OR4D10: variants seen among roughly 807,000 people sequenced by gnomAD.
OR4D10 encodes the protein olfactory receptor family 4 subfamily D member 10.
For synonymous variants in OR4D10, 188 were observed against 153.2 expected, an observed-to-expected ratio of 1.23 and a Z score of -1.68; for missense variants, 395 against 378.0, an observed-to-expected ratio of 1.04 and a Z score of -0.37.
In OR4D10 at chr11:59,477,525, CTTG is replaced by C. The variant is rs748031911; in HGVS notation, c.97_99del (p.Leu33del). ...GCTTAGTCTTATTTCTTTTCCTACT[CTTG>C]GTGTATGTGACAACTTTGCTGGGAA... is the stretch of plus-strand genomic sequence containing the variant. On this transcript the variant is annotated inframe_deletion, in exon 3 of 3. Coordinates refer to ENST00000530162, the MANE Select transcript of OR4D10 (RefSeq NM_001004705.2). The C allele has an allele frequency of 3.6e-5, 58 of 1,614,130 alleles. No homozygotes were observed. The Middle Eastern group carries it at 1.2e-3, about 32-fold the overall frequency.
At position 59,477,812 on chromosome 11, in the gene OR4D10, A is replaced by T. The variant is rs763906723; in HGVS notation, c.383A>T (p.Lys128Met). The change falls in exon 3 of 3, where the codon AAG becomes ATG. Residue 128 changes from lysine (K) to methionine (M), a missense_variant. Transcript: ENST00000530162. Reference protein sequence around the residue: ...MALDRYVAISKPLHYATIMSR... With the variant: ...MALDRYVAISMPLHYATIMSR... Reference sequence around the variant, plus strand: ...TTGGATCGATATGTGGCCATCTCCAAGCCCCTGCACTATGCGACTATCATG... The same window carrying T: ...TTGGATCGATATGTGGCCATCTCCATGCCCCTGCACTATGCGACTATCATG... The T allele has an allele frequency of 6.2e-7, 1 of 1,614,078 alleles. No homozygotes were observed. The highest frequency in any genetic ancestry group is 1.7e-5 in the Admixed American group (1 of 60,016).
Position 59,477,280 on chromosome 11 carries a change from A to G in OR4D10, c.-150A>G. ...TCACCAGACTAACTGAAATCTGAAA[A>G]ACGTGAACAATGCAACAAACTGCAA... On this transcript the variant is annotated 5_prime_UTR_variant, in exon 3 of 3. Coordinates refer to ENST00000530162, the MANE Select transcript of OR4D10 (RefSeq NM_001004705.2). The G allele has an allele frequency of 1.9e-6, 1 of 522,932 alleles. No individual in the cohort carries two copies. Among genetic ancestry groups the G allele is most frequent in the East Asian group, 3.0e-5 (1 of 33,636 alleles). The allele number at this position is 522,932 out of a possible 1,614,324, so 32.4% of individuals were successfully genotyped here.
intron 2 of OR4D10, among the ~76,000 whole-genome samples, chr11:59,476,845 G>GA (rs772046514): frequency 2.1e-4 from 32 of 149,428 alleles, no homozygotes; most frequent in Middle Eastern, 3.2e-3. Context: ...TCCTTTGGGG[G>GA]AAAAAAAAAT....
chr11:59,474,721 T>C (rs1473485743), intron 2 of OR4D10, among the ~76,000 whole-genome samples: 24 of 151,904 alleles, frequency 1.6e-4, no homozygotes. Context: ...AACACCCCAC[T>C]CCATGTAATA....
intron 2 of OR4D10, among the ~76,000 whole-genome samples, chr11:59,476,574 G>T (rs1858910938): frequency 6.6e-6 from 1 of 151,934 alleles, no homozygotes. Flanking sequence ...TAGTCATAGG[G>T]TCTCCCTATG....
At position 59,478,425 on chromosome 11, in the gene OR4D10, G is replaced by T; in HGVS notation, c.*60G>T. Reference sequence around the variant, plus strand: ...ATCTTATATTTATTATTTTTCCCATGAAGTCATATTCATATATTCAAATAT... The same window carrying T: ...ATCTTATATTTATTATTTTTCCCATTAAGTCATATTCATATATTCAAATAT... On this transcript the variant is annotated 3_prime_UTR_variant, in exon 3 of 3. Transcript: ENST00000530162. 1 of 1,205,858 alleles carries T rather than the reference G, an allele frequency of 8.3e-7. No individual in the cohort carries two copies. The highest frequency in any genetic ancestry group is 1.1e-6 in the Non-Finnish European group (1 of 886,448). The allele number at this position is 1,205,858 out of a possible 1,614,324, so 74.7% of individuals were successfully genotyped here.
chr11:59,477,388 A>T lies in OR4D10; in HGVS notation c.-42A>T. 7.1e-7 allele frequency: 1 copy of T among 1,415,786 alleles called. No homozygotes were observed. Among genetic ancestry groups the T allele is most frequent in the Non-Finnish European group, 9.6e-7 (1 of 1,044,656 alleles). The allele number at this position is 1,415,786 out of a possible 1,614,324, so 87.7% of individuals were successfully genotyped here. The stretch of plus-strand genomic sequence containing the variant: ...AAAATAAATATCCCAGTGCTTTCAC[A>T]TGACATGGTTTAAAACCAAAGAGAA... On this transcript the variant is annotated 5_prime_UTR_variant, in exon 3 of 3. It removes an upstream start codon present in the reference 5' UTR. Transcript: ENST00000530162.
At chr11:59,475,102 A>T (rs1029868512) in intron 2 of OR4D10, among the ~76,000 whole-genome samples, 1 of 151,014 alleles carries the variant, frequency 6.6e-6, no homozygotes, top group Non-Finnish European at 1.5e-5. Flanking sequence ...AAATCAAAGG[A>T]CATTGTCCCA....
At position 59,478,603 on chromosome 11, in the gene OR4D10, T is replaced by C. The variant is rs903381060; in HGVS notation, c.*238T>C. On this transcript the variant is annotated 3_prime_UTR_variant, in exon 3 of 3. Coordinates refer to ENST00000530162, the MANE Select transcript of OR4D10 (RefSeq NM_001004705.2). Reference sequence around the variant, plus strand: ...TACCACCAAGATTTTGTTTCATGATTTTTCTTCCATGGACTCCAAGTTCTG... The same window carrying C: ...TACCACCAAGATTTTGTTTCATGATCTTTCTTCCATGGACTCCAAGTTCTG... 2.5e-5 allele frequency: 9 copies of C among 366,948 alleles called. No individual in the cohort carries two copies. The highest frequency in any genetic ancestry group is 1.6e-4 in the Admixed American group (4 of 24,334). 22.7% of individuals were successfully genotyped at this position (366,948 alleles called of 1,614,324 possible). A position where few individuals can be genotyped will look rare whatever the true frequency, so the allele number is the denominator to read the frequency against.
chr11:59,474,044 G>GA (rs1220174525), intron 2 of OR4D10, among the ~76,000 whole-genome samples: 5 of 152,126 alleles, frequency 3.3e-5, no homozygotes, highest in East Asian at 1.9e-4. Context: ...TGAACTTGGG[G>GA]AAAAAATGAA....
In OR4D10 at chr11:59,475,573, G is replaced by A. The variant is rs370391036; in HGVS notation, c.-168-1689G>A. Among the ~76,000 whole-genome samples, 10 of 152,276 alleles carry A rather than the reference G, an allele frequency of 6.6e-5. No homozygotes were observed. In the East Asian group the frequency reaches 1.7e-3, roughly 26 times the overall value. On this transcript the variant is annotated intron_variant, in intron 2 of 2. Transcript: ENST00000530162. ...ACATGTTTATATTTTCCATCAGAGC[G>A]AAAATTGCTCCAGAGTAAGAACTTT...
At chr11:59,476,526 G>T (rs1858910410) in intron 2 of OR4D10, among the ~76,000 whole-genome samples, 1 of 151,336 alleles carries the variant, frequency 6.6e-6, no homozygotes, top group Non-Finnish European at 1.5e-5. Context: ...GACCACAGGT[G>T]TATGCCACCA....
At position 59,478,272 on chromosome 11, in the gene OR4D10, G is replaced by A. The variant is rs1858933240; in HGVS notation, c.843G>A (p.Leu281=). The A allele has an allele frequency of 3.1e-6, 5 of 1,610,456 alleles. No homozygotes were observed. In the South Asian group the frequency reaches 5.5e-5, roughly 18 times the overall value. The change falls in exon 3 of 3, where the codon CTG becomes CTA. Residue 281 remains leucine, a synonymous_variant. Transcript: ENST00000530162. ...TCACCTTCACTGTCATCTCCCCTCT[G>A]CTCAACCCCTTGATCTACACTCTGA... ...ISVTFTVISP[L]LNPLIYTLRN...
rs1480583272 is a variant in OR4D10 at position 59,478,117 on chromosome 11, G to A, written c.688G>A (p.Gly230Arg). ...VILSLPKSQA[G>R]EGRRKAISTC... ...ATTATCATTACCCAAGTCTCAGGCA[G>A]GAGAGGGCAGGAGGAAAGCCATCTC... The change falls in exon 3 of 3, where the codon GGA becomes AGA. Residue 230 changes from glycine to arginine, a missense_variant. Transcript: ENST00000530162. The A allele has an allele frequency of 6.2e-7, 1 of 1,614,084 alleles. No homozygotes were observed. The highest frequency in any genetic ancestry group is 2.2e-5 in the East Asian group (1 of 44,884).
intron 2 of OR4D10, among the ~76,000 whole-genome samples, chr11:59,474,177 G>A (rs546505621): frequency 7.2e-4 from 109 of 152,272 alleles, no homozygotes; most frequent in African/African-American, 2.5e-3. Flanking sequence ...CTTACCTAAT[G>A]GGTGGTGGTG....
rs773272297 is a variant in OR4D10 at position 59,477,776 on chromosome 11, C to A, written c.347C>A (p.Ser116Ter). ...LIGGVDVFSLSVMALDRYVAI... is the reference protein window; with the variant it reads ...LIGGVDVFSL ...GGAGGGGTGGATGTATTTTCTCTTT[C>A]GGTGATGGCATTGGATCGATATGTG... The change falls in exon 3 of 3, where the codon TCG becomes TAG. Residue 116 changes from serine to a stop codon, truncating the protein, a stop_gained. Transcript: ENST00000530162. LOFTEE classifies it low-confidence loss of function (END_TRUNC). The A allele has an allele frequency of 6.2e-7, 1 of 1,613,974 alleles. No homozygotes were observed. Among genetic ancestry groups the A allele is most frequent in the African/African-American group, 1.3e-5 (1 of 74,894 alleles).
At chr11:59,477,139 A>G in intron 2 of OR4D10, 123 bp from the exon 3 acceptor site, 1 of 275,084 alleles carries the variant, frequency 3.6e-6, no homozygotes, top group Non-Finnish European at 6.7e-6. Context: ...CAAATTAAAT[A>G]TGGGTAATTG....
intron 2 of OR4D10, 116 bp from the exon 3 acceptor site, chr11:59,477,146 A>G (rs1254917297): frequency 2.4e-5 from 7 of 294,850 alleles, no homozygotes; most frequent in Admixed American, 2.3e-4. Context: ...AATATGGGTA[A>G]TTGATTTTTT....
At chr11:59,474,020 C>T (rs1858872274) in intron 2 of OR4D10, among the ~76,000 whole-genome samples, 1 of 152,204 alleles carries the variant, frequency 6.6e-6, no homozygotes, top group Non-Finnish European at 1.5e-5. Context: ...TACAAAGTTT[C>T]AACCTGTAGT....
Sources: gnomAD v4.1 joint callset for allele counts (sites outside exome capture counted in the v4.1 genomes callset) on GRCh38, gnomAD v4.1.1 for gene constraint, MANE v1.5 for transcripts, NCBI Gene and HGNC (gene_info 2026-07-23, HGNC 2026-07-21) for gene names.